Variants in PCDHGB2 observed in about 807,000 individuals in gnomAD.
PCDHGB2 encodes the protein protocadherin gamma-B2.
PCDHGB2 carries 55 observed loss-of-function variants against 59.3 expected under a neutral mutation model. The observed-to-expected ratio is 0.93, with a 90% CI of 0.75 to 1.16. The LOEUF is 1.16. PCDHGB2 is among the 50% of genes most tolerant of loss of function. PCDHGB2 has a pLI of 0.00. For synonymous variants in PCDHGB2, 516 were observed against 512.0 expected, an observed-to-expected ratio of 1.01 and a Z score of -0.11; for missense variants, 1,228 against 1,198.5, an observed-to-expected ratio of 1.02 and a Z score of -0.36.
At chr5:141,393,158 ACT>A (rs768666493) in intron 1 of PCDHGB2, 1 of 1,613,126 alleles carries the variant, frequency 6.2e-7, no homozygotes, top group East Asian at 2.2e-5. Context: ...ATAAAGGAAA[ACT>A]CTTTGGGGTA....
chr5:141,405,327 G>A, intron 1 of PCDHGB2: 1 of 1,614,166 alleles, frequency 6.2e-7, no homozygotes. Flanking sequence ...GAGCCTTTGT[G>A]CGTCTCTGTT....
chr5:141,487,810 C>G lies in PCDHGB2; in HGVS notation c.2422-6997C>G, dbSNP rs377060474. ...ATTAACCAGAGTTGTCACAGTTTAGCATTGGGGGCGGGTCATGCCTATATC... is the reference window on the plus strand; with the variant it reads ...ATTAACCAGAGTTGTCACAGTTTAGGATTGGGGGCGGGTCATGCCTATATC... On this transcript the variant is annotated intron_variant, in intron 1 of 3. Coordinates refer to ENST00000522605, the MANE Select transcript of PCDHGB2 (RefSeq NM_018923.3). The surrounding 1 kb of genome is among the most constrained non-coding windows in gnomAD (Gnocchi z 5.0). 7.1e-7 allele frequency: 1 copy of G among 1,417,854 alleles called. No homozygotes were observed. The highest frequency in any genetic ancestry group is 2.1e-5 in the Admixed American group (1 of 47,076). The allele number at this position is 1,417,854 out of a possible 1,614,324, so 87.8% of individuals were successfully genotyped here.
At chr5:141,381,826 C>CTTCTTTTTTTTTT (rs1777532522) in intron 1 of PCDHGB2, among the ~76,000 whole-genome samples, 2 of 74,284 alleles carry the variant, frequency 2.7e-5, no homozygotes, top group African/African-American at 1.2e-4. Context: ...CTTTCTTCTT[C>CTTCTTTTTTTTTT]TTTTTTTTTT....
At position 141,419,994 on chromosome 5, in the gene PCDHGB2, C is replaced by T. The variant is rs757658202; in HGVS notation, c.2421+57438C>T. 1.9e-6 allele frequency: 3 copies of T among 1,614,072 alleles called. No homozygotes were observed. Among genetic ancestry groups the T allele is most frequent in the East Asian group, 4.5e-5 (2 of 44,884 alleles). ...CTCCTCGCGGTGATTCTAGCTATTG[C>T]TCTACGCCTGCGACAGTCTTTCAGC... On this transcript the variant is annotated intron_variant, in intron 1 of 3. Coordinates refer to ENST00000522605, the MANE Select transcript of PCDHGB2 (RefSeq NM_018923.3).
At chr5:141,450,829 A>ATTAT (rs1554136902) in intron 1 of PCDHGB2, among the ~76,000 whole-genome samples, 14 of 135,142 alleles carry the variant, frequency 1.0e-4, no homozygotes, top group African/African-American at 3.3e-4. Context: ...TATTATTATT[A>ATTAT]TTTTTTTTTT....
chr5:141,361,508 T>A lies in PCDHGB2; in HGVS notation c.1373T>A (p.Met458Lys), dbSNP rs1762052738. The A allele has an allele frequency of 6.2e-7, 1 of 1,613,910 alleles. No homozygotes were observed. Among genetic ancestry groups the A allele is most frequent in the Admixed American group, 1.7e-5 (1 of 60,014 alleles). The change falls in exon 1 of 4, where the codon ATG becomes AAG. Residue 458 changes from methionine (M) to lysine (K), a missense_variant. This residue lies in a region of PCDHGB2 where 781 missense variants were observed against 721.6 expected (regional missense o/e 1.08). Transcript: ENST00000522605. The stretch of plus-strand genomic sequence containing the variant: ...CCAGTTTTCCAACAGACTTCCTACA[T>A]GGTTCACGTGGCAGAGAACAATCCT... ...NAPVFQQTSY[M>K]VHVAENNPPG...
At chr5:141,364,185 C>G (rs2149854630) in intron 1 of PCDHGB2, 1 of 992,250 alleles carries the variant, frequency 1.0e-6, no homozygotes, top group East Asian at 2.8e-5. Flanking sequence ...TCCCTCCATA[C>G]TAAACACACA....
Position 141,431,826 on chromosome 5 carries a change from TTCCCGAAAACTC to T in PCDHGB2, c.2422-62976_2422-62965del, listed in dbSNP as rs755346532. ...GTCCTCACCTCTCTCGCCAGCTCGGTTCCCGAAAACTCTCCCAGAGGGACATTAATTGCCCTT... is the reference window on the plus strand; with the variant it reads ...GTCCTCACCTCTCTCGCCAGCTCGGTTCCCAGAGGGACATTAATTGCCCTT... On this transcript the variant is annotated intron_variant, in intron 1 of 3. Transcript: ENST00000522605. The surrounding 1 kb of genome is among the most constrained non-coding windows in gnomAD (Gnocchi z 4.8). The T allele has an allele frequency of 4.3e-6, 7 of 1,614,102 alleles. No individual in the cohort carries two copies. Among genetic ancestry groups the T allele is most frequent in the Admixed American group, 1.7e-5 (1 of 60,006 alleles).
rs763072566 is a variant in PCDHGB2 at position 141,419,417 on chromosome 5, T to G, written c.2421+56861T>G. The stretch of plus-strand genomic sequence containing the variant: ...CGGGGTGGTGTTCGCGCAGCGCGCC[T>G]TCGACCACGAGCAGCTGCGCACCTT... On this transcript the variant is annotated intron_variant, in intron 1 of 3. Transcript: ENST00000522605. 3.0e-5 allele frequency: 48 copies of G among 1,613,288 alleles called. No homozygotes were observed. Among genetic ancestry groups the G allele is most frequent in the Non-Finnish European group, 3.8e-5 (45 of 1,179,884 alleles).
intron 1 of PCDHGB2, chr5:141,417,894 G>A (rs751319373): frequency 1.3e-5 from 21 of 1,573,688 alleles, no homozygotes; most frequent in African/African-American, 2.7e-5. Context: ...CGCCGGGCCG[G>A]CCCGCGGCAG....
chr5:141,432,635 G>C lies in PCDHGB2; in HGVS notation c.2422-62172G>C, dbSNP rs754354737. On this transcript the variant is annotated intron_variant, in intron 1 of 3. Transcript: ENST00000522605. The surrounding 1 kb of genome is among the most constrained non-coding windows in gnomAD (Gnocchi z 6.0). ...CTCGGTGGGTCTGCACACGGGCGAG[G>C]TGCGCACGGCGCGAGCCCTGCTGGA... The C allele has an allele frequency of 5.6e-6, 9 of 1,612,886 alleles. No individual in the cohort carries two copies. Among genetic ancestry groups the C allele is most frequent in the Non-Finnish European group, 7.6e-6 (9 of 1,179,742 alleles).
At position 141,362,346 on chromosome 5, in the gene PCDHGB2, T is replaced by A; in HGVS notation, c.2211T>A (p.Pro737=). The A allele has an allele frequency of 6.2e-7, 1 of 1,614,088 alleles. No individual in the cohort carries two copies. Among genetic ancestry groups the A allele is most frequent in the Non-Finnish European group, 8.5e-7 (1 of 1,179,906 alleles). Residue 737 remains proline (P), a synonymous_variant, in exon 1 of 4, where the codon CCT becomes CCA. Transcript: ENST00000522605. The part of the protein sequence containing the change: ...FQPGLSSKPG[P]GVLPNYSEGT... Reference sequence around the variant, plus strand: ...CTGGTCTCAGCTCCAAGCCTGGACCTGGGGTTCTCCCCAATTACAGTGAGG... The same window carrying A: ...CTGGTCTCAGCTCCAAGCCTGGACCAGGGGTTCTCCCCAATTACAGTGAGG...
chr5:141,395,190 A>T (rs769197632), intron 1 of PCDHGB2: 1 of 1,614,028 alleles, frequency 6.2e-7, no homozygotes, highest in East Asian at 2.2e-5. Context: ...TTCTTTGTTA[A>T]CATCCGTAGA....
intron 1 of PCDHGB2, 60 bp downstream of exon 1, chr5:141,362,616 G>A (rs964810850): frequency 2.6e-6 from 4 of 1,543,942 alleles, no homozygotes; most frequent in Non-Finnish European, 3.5e-6. Flanking sequence ...ATTTGGGTAG[G>A]AAGTTCCACT....
chr5:141,476,142 G>T lies in PCDHGB2; in HGVS notation c.2422-18665G>T. 6.2e-7 allele frequency: 1 copy of T among 1,610,446 alleles called. No individual in the cohort carries two copies. Among genetic ancestry groups the T allele is most frequent in the South Asian group, 1.1e-5 (1 of 90,868 alleles). On this transcript the variant is annotated intron_variant, in intron 1 of 3. Coordinates refer to ENST00000522605, the MANE Select transcript of PCDHGB2 (RefSeq NM_018923.3). The surrounding 1 kb of genome is among the most constrained non-coding windows in gnomAD (Gnocchi z 7.6). Reference sequence around the variant, plus strand: ...ATGGTCCCAGAGGCCTGGAGGAGCGGACTGGTAAGCACCGGGAGGGTAGTG... The same window carrying T: ...ATGGTCCCAGAGGCCTGGAGGAGCGTACTGGTAAGCACCGGGAGGGTAGTG...
chr5:141,509,765 T>G (rs1312823974), intron 3 of PCDHGB2, among the ~76,000 whole-genome samples: 2 of 152,120 alleles, frequency 1.3e-5, no homozygotes, highest in Non-Finnish European at 1.5e-5. Flanking sequence ...GTCCCTGAGA[T>G]GTCTAGTCCC....
intron 1 of PCDHGB2, chr5:141,414,723 C>T (rs775890033): frequency 1.9e-6 from 3 of 1,614,170 alleles, no homozygotes. Context: ...CAGACACTGG[C>T]GTCCTGTATG....
rs1160304959 is a variant in PCDHGB2, at chr5:141,490,969, C to A, written c.2422-3838C>A. On this transcript the variant is annotated intron_variant, in intron 1 of 3. Coordinates refer to ENST00000522605, the MANE Select transcript of PCDHGB2 (RefSeq NM_018923.3). This position sits in a 1 kb window ranked among gnomAD's most constrained non-coding sequence, Gnocchi z 5.4. ...GCCAGACTGGGAACACTCAGCCCCC[C>A]AGCGTCTCCCTCGCTCTGCTCCTCC... The A allele has an allele frequency of 2.5e-6, 4 of 1,613,820 alleles. No individual in the cohort carries two copies. In the African/African-American group the frequency reaches 4.0e-5, roughly 16 times the overall value.
chr5:141,400,798 A>G (rs2094077333), intron 1 of PCDHGB2: 2 of 559,100 alleles, frequency 3.6e-6, no homozygotes, highest in Non-Finnish European at 6.3e-6. Flanking sequence ...TCTTTCTCAA[A>G]GCTAATGAAT....
Sources: allele counts gnomAD v4.1 joint callset (sites outside exome capture counted in the v4.1 genomes callset), GRCh38; gene constraint gnomAD v4.1.1; regional missense constraint gnomAD v4.1.1; non-coding constraint Gnocchi (gnomAD v3.1); transcripts MANE v1.5; gene names NCBI Gene and HGNC (gene_info 2026-07-23, HGNC 2026-07-21).